The following CBFA2T2 variants were observed in gnomAD, a reference collection of about 807,000 sequenced individuals.
CBFA2T2 encodes protein CBFA2T2.
In CBFA2T2, 11 loss-of-function variants were observed where a neutral mutation model predicts 62.2. The ratio of observed to expected loss-of-function variants is 0.18; its 90% CI spans 0.11 to 0.29. CBFA2T2 has a LOEUF of 0.29. Among genes scored for constraint, CBFA2T2 ranks in the 10% least tolerant of loss-of-function variants. The pLI is 1.00. For synonymous variants in CBFA2T2, 295 were observed against 287.5 expected (o/e 1.03, Z -0.27); for missense variants, 592 against 774.1 (o/e 0.76, Z 2.79).
intron 9 of CBFA2T2, chr20:33,639,187 C>CT (rs990937803): frequency 2.0e-5 from 3 of 152,326 alleles, no homozygotes; most frequent in African/African-American, 7.2e-5. Flanking sequence ...TCAGCCTCTT[C>CT]TATCAGTTCA....
At chr20:33,578,882 A>G (rs562067164) in intron 1 of CBFA2T2, among the ~76,000 whole-genome samples, 16 of 152,220 alleles carry the variant, frequency 1.1e-4, no homozygotes, top group Non-Finnish European at 1.9e-4. Context: ...CTTTAAAAAG[A>G]CCCTTTCATA....
chr20:33,512,826 G>A (rs917758935), intron 1 of CBFA2T2, among the ~76,000 whole-genome samples: 1 of 149,574 alleles, frequency 6.7e-6, no homozygotes, highest in Non-Finnish European at 1.5e-5. Flanking sequence ...ATCTCGGGCT[G>A]ACTGCAAGCT....
chr20:33,521,293 A>T (rs1172148639), intron 1 of CBFA2T2, among the ~76,000 whole-genome samples: 1 of 152,100 alleles, frequency 6.6e-6, no homozygotes, highest in East Asian at 1.9e-4. Context: ...ATCTTCTATA[A>T]ATGTTCTAAA....
chr20:33,624,587 A>G lies in CBFA2T2; in HGVS notation c.693-177A>G, dbSNP rs151296929. 6.6e-5 allele frequency among the ~76,000 whole-genome samples: 10 copies of G among 152,312 alleles called. No individual in the cohort carries two copies. The East Asian group carries it at 1.7e-3, about 26-fold the overall frequency. On this transcript the variant is annotated intron_variant, in intron 5 of 10. Coordinates refer to ENST00000342704, the MANE Select transcript of CBFA2T2 (RefSeq NM_001032999.3). The stretch of plus-strand genomic sequence containing the variant: ...ATGCTGGTATAAGTCAGCAATTTAC[A>G]TGAGGTGCCTGGCCCTTGAAGACAA...
chr20:33,545,025 T>C (rs112997316), intron 1 of CBFA2T2, among the ~76,000 whole-genome samples: 3,456 of 134,026 alleles, frequency 0.026, 184 homozygotes, highest in African/African-American at 0.1. Context: ...CAGAACAGAA[T>C]GCAAGGTAGA....
intron 1 of CBFA2T2, among the ~76,000 whole-genome samples, chr20:33,591,035 G>A (rs1037912007): frequency 6.6e-5 from 10 of 150,722 alleles, no homozygotes; most frequent in East Asian, 2.0e-4. Context: ...AAAATTTGCC[G>A]GGTGTGGTGG....
At chr20:33,508,467 A>C (rs1358034387) in intron 1 of CBFA2T2, among the ~76,000 whole-genome samples, 3 of 152,006 alleles carry the variant, frequency 2.0e-5, no homozygotes, top group Admixed American at 2.0e-4. Context: ...CTACATGTGC[A>C]GATTTGTTAC....
intron 1 of CBFA2T2, among the ~76,000 whole-genome samples, chr20:33,559,757 ATTACAGGCGTGAGCCAT>A (rs1291638312): frequency 6.6e-6 from 1 of 152,116 alleles, no homozygotes; most frequent in African/African-American, 2.4e-5. Flanking sequence ...AAGTGCTGGG[ATTACAGGCGTGAGCCAT>A]TGCGCCTGGC....
rs1555840419 is a variant in CBFA2T2 at position 33,592,382 on chromosome 20, A to ATATATATATATAATTATGTAAAAAT, written c.35-14564_35-14563insTAATTATGTAAAAATTATATATATA. On this transcript the variant is annotated intron_variant, in intron 1 of 10. Transcript: ENST00000342704. ...CTGTCTCAAAAAAAATTTTATATAT[A>ATATATATATATAATTATGTAAAAAT]TATATATATAATTATGTAAAAATTA... Among the ~76,000 whole-genome samples the ATATATATATATAATTATGTAAAAAT allele has an allele frequency of 5.1e-3, 722 of 142,574 alleles. 5 individuals are homozygous for ATATATATATATAATTATGTAAAAAT. The highest frequency in any genetic ancestry group is 0.014 in the African/African-American group (536 of 38,178). 93.5% of individuals were successfully genotyped at this position (142,574 alleles called of 152,430 possible).
At chr20:33,591,427 T>A (rs1201987882) in intron 1 of CBFA2T2, among the ~76,000 whole-genome samples, 3 of 131,850 alleles carry the variant, frequency 2.3e-5, no homozygotes, top group Non-Finnish European at 4.6e-5. Context: ...TGAGCCGAGA[T>A]CCCACTACTG....
At chr20:33,538,165 A>G (rs961951852) in intron 1 of CBFA2T2, among the ~76,000 whole-genome samples, 2 of 152,100 alleles carry the variant, frequency 1.3e-5, no homozygotes, top group African/African-American at 2.4e-5. Flanking sequence ...TTTTTCCTGT[A>G]CAGGTTTTAT....
chr20:33,624,961 G>A lies in CBFA2T2; in HGVS notation c.890G>A (p.Arg297Gln), dbSNP rs150481335. 66 of 1,613,952 alleles carry A rather than the reference G, an allele frequency of 4.1e-5. No individual in the cohort carries two copies. Among genetic ancestry groups the A allele is most frequent in the Non-Finnish European group, 4.7e-5 (56 of 1,179,980 alleles). ...GATATTGCAACTTCTCACCTGTATC[G>A]GGAACCCAACAAGATGCTAGAGCAT... ...LEDIATSHLY[R>Q]EPNKMLEHRE... Residue 297 changes from arginine (R) to glutamine (Q), a missense_variant, in exon 6 of 11, where the codon CGG (arginine) becomes CAG (glutamine). Around this residue, in one of 3 missense-constraint regions of CBFA2T2, gnomAD observed 449 missense variants for 551.2 expected, o/e 0.81. Coordinates refer to ENST00000342704, the MANE Select transcript of CBFA2T2 (RefSeq NM_001032999.3).
chr20:33,610,959 A>G (rs1055735946), intron 2 of CBFA2T2, 135 bp from the exon 3 acceptor site: 1 of 1,006,048 alleles, frequency 9.9e-7, no homozygotes, highest in Non-Finnish European at 1.5e-6. Context: ...TGAGGACAGA[A>G]CCAGTTTTGC....
chr20:33,573,206 A>G (rs887309195), intron 1 of CBFA2T2, among the ~76,000 whole-genome samples: 23 of 152,198 alleles, frequency 1.5e-4, no homozygotes, highest in African/African-American at 5.6e-4. Flanking sequence ...AGTAGAAGAG[A>G]CAGGCAGTAA....
chr20:33,506,276 A>C (rs1051702452), intron 1 of CBFA2T2, among the ~76,000 whole-genome samples: 1 of 152,140 alleles, frequency 6.6e-6, no homozygotes, highest in African/African-American at 2.4e-5. Flanking sequence ...ATATAAATTA[A>C]TACAAAAAAG....
At chr20:33,578,433 T>C (rs2013934716) in intron 1 of CBFA2T2, among the ~76,000 whole-genome samples, 1 of 152,178 alleles carries the variant, frequency 6.6e-6, no homozygotes, top group South Asian at 2.1e-4. Context: ...ATGAAGGGAA[T>C]TTTCTTAAGT....
At chr20:33,573,510 C>T (rs577003650) in intron 1 of CBFA2T2, among the ~76,000 whole-genome samples, 1 of 151,296 alleles carries the variant, frequency 6.6e-6, no homozygotes, top group South Asian at 2.1e-4. Context: ...GAGATGGAGT[C>T]TCGCTCTATC....
rs150300233 is a variant in CBFA2T2 at position 33,584,437 on chromosome 20, A to G, written c.35-22519A>G. Among the ~76,000 whole-genome samples, 760 of 151,576 alleles carry G rather than the reference A, an allele frequency of 5.0e-3. 2 individuals carry two copies. Among genetic ancestry groups the G allele is most frequent in the South Asian group, 0.01 (49 of 4,800 alleles). ...CCTGGCTAATTTTTTTGGTATTTTT[A>G]GTAGAGACGGGGTTTCACCATGTGT... On this transcript the variant is annotated intron_variant, in intron 1 of 10. Transcript: ENST00000342704.
At chr20:33,523,665 C>T (rs1320515066) in intron 1 of CBFA2T2, among the ~76,000 whole-genome samples, 1 of 151,624 alleles carries the variant, frequency 6.6e-6, no homozygotes, top group East Asian at 1.9e-4. Flanking sequence ...CTAATTTATT[C>T]CCTATGTGTT....
Sources: gnomAD v4.1 joint callset for allele counts (sites outside exome capture counted in the v4.1 genomes callset) on GRCh38, gnomAD v4.1.1 for gene constraint, gnomAD v4.1.1 regional missense constraint, MANE v1.5 for transcripts, NCBI Gene and HGNC (gene_info 2026-07-23, HGNC 2026-07-21) for gene names.